Variants in KANK2 observed in about 807,000 individuals in gnomAD.
The protein encoded by KANK2 is KN motif and ankyrin repeat domain-containing protein 2.
Under a neutral mutation model 74.6 loss-of-function variants are expected in KANK2, and 41 were observed. That is an observed-to-expected ratio of 0.55 (90% CI 0.43 to 0.71). The LOEUF (loss-of-function observed/expected upper bound fraction) is 0.71, where lower values mean the gene tolerates loss of function less well. KANK2 is among the 30% of genes least tolerant of loss of function. The pLI is 0.00. For synonymous variants in KANK2, 537 were observed against 519.0 expected, an observed-to-expected ratio of 1.03 and a Z score of -0.47; for missense variants, 1,148 against 1,196.4, an observed-to-expected ratio of 0.96 and a Z score of 0.60.
intron 9 of KANK2, among the ~76,000 whole-genome samples, chr19:11,173,533 T>G (rs1182607724): frequency 1.3e-5 from 2 of 152,222 alleles, no homozygotes; most frequent in Non-Finnish European, 2.9e-5. Flanking sequence ...GGACCACGTC[T>G]TCTTTCCAAG....
intron 10 of KANK2, among the ~76,000 whole-genome samples, chr19:11,171,233 G>C (rs2078164824): frequency 6.6e-6 from 1 of 152,012 alleles, no homozygotes; most frequent in South Asian, 2.1e-4. Flanking sequence ...CATGTCTCTA[G>C]TAAAAAATAA....
At chr19:11,176,068 G>A (rs969939359) in intron 7 of KANK2, 79 bp from the exon 8 acceptor site, 21 of 1,112,844 alleles carry the variant, frequency 1.9e-5, no homozygotes, top group African/African-American at 3.1e-5. Context: ...TCTGCACCAC[G>A]TCACTCACAA....
In KANK2 at chr19:11,174,392, G is replaced by A. The variant is rs544956002; in HGVS notation, c.2068+81C>T. Reference sequence around the variant, plus strand: ...CATCATCTTCCCCATCAGATGGGGAGGGCAGTGTCTTCCCTATCAGACTGG... The same window carrying A: ...CATCATCTTCCCCATCAGATGGGGAAGGCAGTGTCTTCCCTATCAGACTGG... On this transcript the variant is annotated intron_variant, in intron 9 of 12. Transcript: ENST00000586659. The A allele has an allele frequency of 1.5e-4, 163 of 1,116,910 alleles. 1 individual carries two copies. The African/African-American group carries it at 2.3e-3, about 16-fold the overall frequency. 69.2% of individuals were successfully genotyped at this position (1,116,910 alleles called of 1,614,324 possible). A position where few individuals can be genotyped will look rare whatever the true frequency, so the allele number is the denominator to read the frequency against.
chr19:11,169,726 G>A lies in KANK2; in HGVS notation c.2502+151C>T, dbSNP rs1172824524. The A allele has an allele frequency of 2.5e-5, 16 of 642,402 alleles. 1 individual carries two copies. The Admixed American group carries it at 2.6e-4, about 10-fold the overall frequency. The allele number at this position is 642,402 out of a possible 1,614,324, so 39.8% of individuals were successfully genotyped here. On this transcript the variant is annotated intron_variant, in intron 12 of 12. Transcript: ENST00000586659. The stretch of plus-strand genomic sequence containing the variant: ...TGAGGCAGCAGAATGGCTTGAAGCC[G>A]GGAGGCGGAGGTTGCAATGAGCCCA...
In KANK2 at chr19:11,165,215, C is replaced by G. The variant is rs2077997905; in HGVS notation, c.*1343G>C. ...GGAAAGTCTCTAGGTTGTTAAAAAG[C>G]CCAGCTGGCCCATGTTTGGTTTTCA... On this transcript the variant is annotated 3_prime_UTR_variant, in exon 13 of 13. Transcript: ENST00000586659. The G allele has an allele frequency of 6.6e-6, 1 of 152,192 alleles. No homozygotes were observed. The highest frequency in any genetic ancestry group is 1.5e-5 in the Non-Finnish European group (1 of 68,042). 9.4% of individuals were successfully genotyped at this position (152,192 alleles called of 1,614,324 possible).
intron 4 of KANK2, among the ~76,000 whole-genome samples, chr19:11,183,035 G>T (rs1305125877): frequency 6.6e-6 from 1 of 152,054 alleles, no homozygotes; most frequent in African/African-American, 2.4e-5. Context: ...ACTTATTATT[G>T]TTATCCCACT....
intron 8 of KANK2, among the ~76,000 whole-genome samples, chr19:11,175,087 A>G (rs932974755): frequency 1.1e-4 from 16 of 151,616 alleles, no homozygotes; most frequent in East Asian, 2.0e-4. Flanking sequence ...CCTCCCAAGT[A>G]GCTGGGACCA....
chr19:11,171,284 A>G (rs1378564616), intron 10 of KANK2, among the ~76,000 whole-genome samples: 1 of 151,610 alleles, frequency 6.6e-6, no homozygotes, highest in Non-Finnish European at 1.5e-5. Flanking sequence ...CAAAACCCCA[A>G]CTCTAAAAAA....
At chr19:11,188,711 C>T (rs1045896521) in intron 4 of KANK2, among the ~76,000 whole-genome samples, 2 of 151,676 alleles carry the variant, frequency 1.3e-5, no homozygotes, top group African/African-American at 4.8e-5. Context: ...AGGGTGGGTG[C>T]CGTGGCTCAT....
At chr19:11,189,392 T>C (rs957531315) in intron 4 of KANK2, among the ~76,000 whole-genome samples, 2 of 151,286 alleles carry the variant, frequency 1.3e-5, no homozygotes, top group African/African-American at 4.9e-5. Flanking sequence ...TCACCTGAGG[T>C]CAGGAGTTTG....
At chr19:11,187,272 G>T (rs911605030) in intron 4 of KANK2, among the ~76,000 whole-genome samples, 3 of 131,658 alleles carry the variant, frequency 2.3e-5, no homozygotes, top group African/African-American at 8.3e-5. Flanking sequence ...AAAAAAGGAA[G>T]AAAAAAAAGA....
At position 11,193,006 on chromosome 19, in the gene KANK2, C is replaced by T. The variant is rs1176328597; in HGVS notation, c.1074G>A (p.Glu358=). ...GAPAQRAQSL[E]PYGTGLRALA... is the part of the protein sequence containing the mutation. ...GGGCCCTCAGCCCTGTGCCGTAAGGCTCCAGGCTCTGGGCCCGCTGTGCGG... is the reference window on the plus strand; with the variant it reads ...GGGCCCTCAGCCCTGTGCCGTAAGGTTCCAGGCTCTGGGCCCGCTGTGCGG... The change falls in exon 4 of 13, where the codon GAG becomes GAA. Residue 358 remains glutamate, a synonymous_variant. Coordinates refer to ENST00000586659, the MANE Select transcript of KANK2 (RefSeq NM_001136191.3). This position sits in a 1 kb window ranked among gnomAD's most constrained non-coding sequence, Gnocchi z 9.6. The T allele has an allele frequency of 4.3e-6, 7 of 1,613,696 alleles. No homozygotes were observed. The highest frequency in any genetic ancestry group is 5.1e-6 in the Non-Finnish European group (6 of 1,179,864).
chr19:11,175,036 C>T (rs1947545653), intron 8 of KANK2, among the ~76,000 whole-genome samples: 1 of 151,354 alleles, frequency 6.6e-6, no homozygotes, highest in East Asian at 1.9e-4. Context: ...GGACTCACTG[C>T]AGCCTCAACC....
intron 4 of KANK2, among the ~76,000 whole-genome samples, chr19:11,182,907 G>A (rs79545703): frequency 4.4e-4 from 65 of 148,926 alleles, no homozygotes; most frequent in African/African-American, 1.2e-3. Flanking sequence ...AGCCCACTCC[G>A]CCCCAACAGA....
At chr19:11,194,694 A>G in intron 2 of KANK2, 104 bp from the exon 3 acceptor site, 1 of 559,982 alleles carries the variant, frequency 1.8e-6, no homozygotes, top group East Asian at 3.1e-5. Context: ...CCCCCAACCC[A>G]GGTCTGGGAC....
At chr19:11,191,111 G>A (rs1568652545) in intron 4 of KANK2, among the ~76,000 whole-genome samples, 2 of 151,688 alleles carry the variant, frequency 1.3e-5, no homozygotes, top group Non-Finnish European at 2.9e-5. Context: ...TGTGATCTTG[G>A]CTCACTGCAA....
intron 4 of KANK2, 42 bp from the exon 5 acceptor site, chr19:11,178,762 GCCAAA>G: frequency 6.8e-7 from 1 of 1,477,438 alleles, no homozygotes; most frequent in African/African-American, 1.5e-5. Flanking sequence ...GGTCATAAAA[GCCAAA>G]CCACCACAGC....
Position 11,193,995 on chromosome 19 carries a change from C to A in KANK2, c.85G>T (p.Asp29Tyr), listed in dbSNP as rs1037728538. 6.2e-7 allele frequency: 1 copy of A among 1,613,204 alleles called. No homozygotes were observed. Among genetic ancestry groups the A allele is most frequent in the Non-Finnish European group, 8.5e-7 (1 of 1,179,528 alleles). ...GGGGTCTCCACGGAGTAGGGTGGAT[C>A]GGGGTCCTTGGCAGGGAAGGCAGGT... ...SPPAFPAKDP[D>Y]PPYSVETPYG... The change falls in exon 4 of 13, where the codon GAT becomes TAT. Residue 29 changes from aspartate to tyrosine, a missense_variant. Coordinates refer to ENST00000586659, the MANE Select transcript of KANK2 (RefSeq NM_001136191.3). This position sits in a 1 kb window ranked among gnomAD's most constrained non-coding sequence, Gnocchi z 9.6.
In KANK2 at chr19:11,176,616, A is replaced by G; in HGVS notation, c.1722T>C (p.Ala574=). Reference sequence around the variant, plus strand: ...CCGTGTTTGATCCTGATGCCCCCTCAGCAGTGGGTATGTGCTGAGATTCTC... The same window carrying G: ...CCGTGTTTGATCCTGATGCCCCCTCGGCAGTGGGTATGTGCTGAGATTCTC... ...LSRESQHIPT[A]EGASGSNTEE... Residue 574 remains alanine, a synonymous_variant, in exon 7 of 13, where the codon GCT becomes GCC. Transcript: ENST00000586659. 1 of 1,608,654 alleles carries G rather than the reference A, an allele frequency of 6.2e-7. No homozygotes were observed. Among genetic ancestry groups the G allele is most frequent in the South Asian group, 1.1e-5 (1 of 90,370 alleles).
Sources: allele counts gnomAD v4.1 joint callset (sites outside exome capture counted in the v4.1 genomes callset), GRCh38; gene constraint gnomAD v4.1.1; non-coding constraint Gnocchi (gnomAD v3.1); transcripts MANE v1.5; gene names NCBI Gene and HGNC (gene_info 2026-07-23, HGNC 2026-07-21).